Variants in MYC observed in about 807,000 individuals in gnomAD.
The protein encoded by MYC is myc proto-oncogene protein.
MYC carries 1 observed loss-of-function variant against 30.5 expected under a neutral mutation model. The observed-to-expected ratio is 0.03, with a 90% CI of 0.01 to 0.16. The LOEUF (loss-of-function observed/expected upper bound fraction) is 0.16, where lower values mean the gene tolerates loss of function less well. Ranked by LOEUF, MYC falls within the 10% of genes least tolerant of loss-of-function variation. MYC has a pLI of 1.00. For missense variants in MYC, 508 were observed against 589.0 expected, an observed-to-expected ratio of 0.86 and a Z score of 1.42; for synonymous variants, 267 against 250.7, an observed-to-expected ratio of 1.07 and a Z score of -0.62.
intron 1 of MYC, among the ~76,000 whole-genome samples, chr8:127,737,730 G>GC (rs1563757310): frequency 1.3e-5 from 2 of 152,128 alleles, no homozygotes; most frequent in African/African-American, 4.8e-5. Flanking sequence ...GAGGGGCTGC[G>GC]GTGCCGGCGG....
Position 127,738,750 on chromosome 8 carries a change from A to T in MYC, c.533A>T (p.Asn178Ile). 1 of 1,611,962 alleles carries T rather than the reference A, an allele frequency of 6.2e-7. No homozygotes were observed. The highest frequency in any genetic ancestry group is 1.1e-5 in the South Asian group (1 of 90,882). ...GCGCGCAAAGACAGCGGCAGCCCGA[A>T]CCCCGCCCGCGGCCACAGCGTCTGC... Residue 178 changes from asparagine to isoleucine, a missense_variant, in exon 2 of 3, where the codon AAC (asparagine) becomes ATC (isoleucine). Physicochemically the swap from Asn to Ile is moderately radical, Grantham distance 149 (BLOSUM62 -3). Around this residue, in one of 5 missense-constraint regions of MYC, gnomAD observed 364 missense variants for 381.1 expected, o/e 0.96. Transcript: ENST00000621592. This position sits in a 1 kb window ranked among gnomAD's most constrained non-coding sequence, Gnocchi z 7.6.
chr8:127,739,995 G>A (rs4645966), intron 2 of MYC, among the ~76,000 whole-genome samples: 10,431 of 149,118 alleles, frequency 0.07, 685 homozygotes, highest in African/African-American at 0.17. Flanking sequence ...TTTTTAAGAC[G>A]GAGTCTCACT....
At chr8:127,739,699 G>A (rs926134887) in intron 2 of MYC, among the ~76,000 whole-genome samples, 2 of 150,882 alleles carry the variant, frequency 1.3e-5, no homozygotes, top group Non-Finnish European at 2.9e-5. Flanking sequence ...ATAGGGAGTT[G>A]CTAAAGTCAT....
upstream of MYC, chr8:127,735,967 C>A (rs1813578601): frequency 2.5e-6 from 1 of 398,272 alleles, no homozygotes; most frequent in Non-Finnish European, 4.4e-6. Flanking sequence ...AGCGCCCCTC[C>A]CGGGTTCCCA....
In MYC at chr8:127,736,310, G is replaced by A. The variant is rs1813587536; in HGVS notation, c.-284G>A. The A allele has an allele frequency of 1.7e-6, 1 of 584,890 alleles. No homozygotes were observed. The highest frequency in any genetic ancestry group is 2.8e-5 in the East Asian group (1 of 35,122). The allele number at this position is 584,890 out of a possible 1,614,324, so 36.2% of individuals were successfully genotyped here. A position where few individuals can be genotyped will look rare whatever the true frequency, so the allele number is the denominator to read the frequency against. ...AGGGTGGAAGAGCCGGGCGAGCAGA[G>A]CTGCGCTGCGGGCGTCCTGGGAAGG... is the stretch of plus-strand genomic sequence containing the variant. On this transcript the variant is annotated 5_prime_UTR_variant, in exon 1 of 3. Coordinates refer to ENST00000621592, the MANE Select transcript of MYC (RefSeq NM_002467.6).
intron 2 of MYC, among the ~76,000 whole-genome samples, chr8:127,739,224 C>T (rs1240139974): frequency 4.6e-5 from 7 of 152,224 alleles, no homozygotes; most frequent in African/African-American, 1.7e-4. Context: ...TTGCAGCCCC[C>T]CTCCCCGTTT....
rs1276387546 is a variant in MYC at position 127,736,525 on chromosome 8, T to C, written c.-69T>C. ...GACGCGGGGAGGCTATTCTGCCCAT[T>C]TGGGGACACTTCCCCGCCGCTGCCA... On this transcript the variant is annotated 5_prime_UTR_variant, in exon 1 of 3. Transcript: ENST00000621592. 8 of 1,571,776 alleles carry C rather than the reference T, an allele frequency of 5.1e-6. No individual in the cohort carries two copies. In the East Asian group the frequency reaches 1.3e-4, roughly 26 times the overall value.
rs1178990895 is a variant in MYC, at chr8:127,738,205, C to G, written c.31-43C>G. On this transcript the variant is annotated intron_variant, in intron 1 of 2. Coordinates refer to ENST00000621592, the MANE Select transcript of MYC (RefSeq NM_002467.6). This position sits in a 1 kb window ranked among gnomAD's most constrained non-coding sequence, Gnocchi z 7.6. ...GCGCCAGGTTTCCGCACCAAGACCCCTTTAACTCAAGACTGCCTCCCGCTT... is the reference window on the plus strand; with the variant it reads ...GCGCCAGGTTTCCGCACCAAGACCCGTTTAACTCAAGACTGCCTCCCGCTT... 3.9e-6 allele frequency: 6 copies of G among 1,536,610 alleles called. No individual in the cohort carries two copies. The South Asian group carries it at 5.1e-5, about 13-fold the overall frequency.
intron 1 of MYC, among the ~76,000 whole-genome samples, chr8:127,736,865 C>T (rs1281607447): frequency 1.3e-5 from 2 of 152,112 alleles, no homozygotes; most frequent in Admixed American, 6.5e-5. Context: ...TTAAGACTAC[C>T]CTTTCGAGAT....
Position 127,740,980 on chromosome 8 carries a change from C to T in MYC, c.*22C>T, listed in dbSNP as rs2130108479. 3 of 1,526,238 alleles carry T rather than the reference C, an allele frequency of 2.0e-6. No individual in the cohort carries two copies. The highest frequency in any genetic ancestry group is 2.6e-6 in the Non-Finnish European group (3 of 1,142,546). The allele number at this position is 1,526,238 out of a possible 1,614,324, so 94.5% of individuals were successfully genotyped here. On this transcript the variant is annotated 3_prime_UTR_variant, in exon 3 of 3. Transcript: ENST00000621592. ...GTAAGGAAAAGTAAGGAAAACGATT[C>T]CTTCTAACAGAAATGTCCTGAGCAA...
In MYC at chr8:127,736,342, C is replaced by G. The variant is rs73707292; in HGVS notation, c.-252C>G. ...TGCGGGCGTCCTGGGAAGGGAGATC[C>G]GGAGCGAATAGGGGGCTTCGCCTCT... On this transcript the variant is annotated 5_prime_UTR_variant, in exon 1 of 3. Transcript: ENST00000621592. The G allele has an allele frequency of 2.9e-3, 1,724 of 593,258 alleles. 30 individuals carry two copies. The highest frequency in any genetic ancestry group is 0.028 in the African/African-American group (1,527 of 53,740). 36.7% of individuals were successfully genotyped at this position (593,258 alleles called of 1,614,324 possible).
chr8:127,741,553 A>G lies in MYC; in HGVS notation c.*595A>G, dbSNP rs1030961340. ...AAGGCAAGAGTTTTCCTCTGTTGAAATGGGTCTGGGGGCCTTAAGGTCTTT... is the reference window on the plus strand; with the variant it reads ...AAGGCAAGAGTTTTCCTCTGTTGAAGTGGGTCTGGGGGCCTTAAGGTCTTT... On this transcript the variant is annotated 3_prime_UTR_variant, in exon 3 of 3. Coordinates refer to ENST00000621592, the MANE Select transcript of MYC (RefSeq NM_002467.6). 3 of 184,422 alleles carry G rather than the reference A, an allele frequency of 1.6e-5. No individual in the cohort carries two copies. The highest frequency in any genetic ancestry group is 3.4e-5 in the Non-Finnish European group (3 of 87,840). The allele number at this position is 184,422 out of a possible 1,614,324, so 11.4% of individuals were successfully genotyped here. A position where few individuals can be genotyped will look rare whatever the true frequency, so the allele number is the denominator to read the frequency against.
At chr8:127,740,243 G>A (rs574456265) in intron 2 of MYC, among the ~76,000 whole-genome samples, 153 bp from the exon 3 acceptor site, 68 of 152,216 alleles carry the variant, frequency 4.5e-4, no homozygotes, top group Admixed American at 1.1e-3. Flanking sequence ...GTGAGCCAGG[G>A]CACCAGGCTT....
intron 2 of MYC, among the ~76,000 whole-genome samples, chr8:127,740,158 C>T (rs929619546): frequency 6.6e-5 from 10 of 151,916 alleles, no homozygotes; most frequent in Non-Finnish European, 8.8e-5. Context: ...GGGGTTTCAT[C>T]GTGTTGGCCA....
At chr8:127,735,924 C>T, upstream of MYC, 1 of 399,198 alleles carries the variant, frequency 2.5e-6, no homozygotes, top group Non-Finnish European at 4.4e-6. Flanking sequence ...GAGTCTCCTC[C>T]CCACCTTCCC....
chr8:127,738,113 AC>A lies in MYC; in HGVS notation c.31-132del. The A allele has an allele frequency of 9.2e-7, 1 of 1,088,856 alleles. No homozygotes were observed. The highest frequency in any genetic ancestry group is 1.3e-6 in the Non-Finnish European group (1 of 775,668). The allele number at this position is 1,088,856 out of a possible 1,614,324, so 67.4% of individuals were successfully genotyped here. A position where few individuals can be genotyped will look rare whatever the true frequency, so the allele number is the denominator to read the frequency against. ...CTCCCTTTATTCCCCCACCAAGACCACCCAGCCGCTTTAGGGGATAGCTCTG... is the reference window on the plus strand; with the variant it reads ...CTCCCTTTATTCCCCCACCAAGACCACCAGCCGCTTTAGGGGATAGCTCTG... On this transcript the variant is annotated intron_variant, in intron 1 of 2. Transcript: ENST00000621592. The surrounding 1 kb of genome is among the most constrained non-coding windows in gnomAD (Gnocchi z 7.6).
Position 127,740,657 on chromosome 8 carries a change from G to A in MYC, c.1064G>A (p.Arg355Gln), listed in dbSNP as rs1813695757. The change falls in exon 3 of 3, where the codon CGA becomes CAA. Residue 355 changes from arginine to glutamine, a missense_variant. Arg to Gln is a conservative substitution (Grantham distance 43). Coordinates refer to ENST00000621592, the MANE Select transcript of MYC (RefSeq NM_002467.6). ...GTCCTGAGACAGATCAGCAACAACC[G>A]AAAATGCACCAGCCCCAGGTCCTCG... 1 of 1,614,082 alleles carries A rather than the reference G, an allele frequency of 6.2e-7. No homozygotes were observed.
At chr8:127,740,224 A>T (rs777148211) in intron 2 of MYC, among the ~76,000 whole-genome samples, 172 bp from the exon 3 acceptor site, 1 of 152,106 alleles carries the variant, frequency 6.6e-6, no homozygotes, top group Non-Finnish European at 1.5e-5. Flanking sequence ...AAGTGCTGGG[A>T]TTACAGGTGT....
At position 127,738,031 on chromosome 8, in the gene MYC, G is replaced by A. The variant is rs1253079228; in HGVS notation, c.31-217G>A. Among the ~76,000 whole-genome samples the A allele has an allele frequency of 1.3e-5, 2 of 152,186 alleles. No individual in the cohort carries two copies. Among genetic ancestry groups the A allele is most frequent in the African/African-American group, 2.4e-5 (1 of 41,544 alleles). On this transcript the variant is annotated intron_variant, in intron 1 of 2. Coordinates refer to ENST00000621592, the MANE Select transcript of MYC (RefSeq NM_002467.6). This position sits in a 1 kb window ranked among gnomAD's most constrained non-coding sequence, Gnocchi z 7.6. ...GGGCTCGGCGGGCACCAAGCCGCTG[G>A]TTCACTAAGTGCGTCTCCGAGATAG...
Sources: allele counts gnomAD v4.1 joint callset (sites outside exome capture counted in the v4.1 genomes callset), GRCh38; gene constraint gnomAD v4.1.1; regional missense constraint gnomAD v4.1.1; non-coding constraint Gnocchi (gnomAD v3.1); transcripts MANE v1.5; gene names NCBI Gene and HGNC (gene_info 2026-07-23, HGNC 2026-07-21).